Variants in LNP1 observed in about 807,000 individuals in gnomAD.
LNP1 encodes leukemia NUP98 fusion partner 1.
In LNP1, 12 loss-of-function variants were observed where a neutral mutation model predicts 14.5. The observed-to-expected ratio is 0.83, with a 90% CI of 0.53 to 1.34. The LOEUF is 1.34. LNP1 is among the 40% of genes most tolerant of loss of function. LNP1 has a pLI of 0.00. For missense variants in LNP1, 198 were observed against 210.9 expected (o/e 0.94, Z 0.38); for synonymous variants, 75 against 71.4 (o/e 1.05, Z -0.26).
intron 2 of LNP1, among the ~76,000 whole-genome samples, chr3:100,432,955 T>G (rs1707256187): frequency 6.6e-6 from 1 of 152,180 alleles, no homozygotes; most frequent in Admixed American, 6.6e-5. Flanking sequence ...CCACAGTGCT[T>G]CTTCTATGCT....
chr3:100,416,104 G>T (rs550666161), intron 1 of LNP1, among the ~76,000 whole-genome samples: 2 of 152,306 alleles, frequency 1.3e-5, no homozygotes, highest in South Asian at 4.1e-4. Context: ...ATGTCTGATT[G>T]TCTCTCTGTA....
chr3:100,446,528 A>G (rs1168253899), intron 2 of LNP1, among the ~76,000 whole-genome samples: 2 of 152,250 alleles, frequency 1.3e-5, no homozygotes, highest in Non-Finnish European at 2.9e-5. Context: ...ACCATTCAGG[A>G]CATAGTTATG....
chr3:100,448,479 T>G (rs1206100914), intron 2 of LNP1, among the ~76,000 whole-genome samples: 1 of 152,178 alleles, frequency 6.6e-6, no homozygotes, highest in Non-Finnish European at 1.5e-5. Flanking sequence ...TTTGGCTGGG[T>G]TTATAGTTCT....
Position 100,429,869 on chromosome 3 carries a change from C to A in LNP1, c.140C>A (p.Thr47Asn). Reference sequence around the variant, plus strand: ...CTGCAAGCCACCAGTCACAGGAAAACCTCCCTGCCCTGCCCAGTGAGTGAT... The same window carrying A: ...CTGCAAGCCACCAGTCACAGGAAAAACTCCCTGCCCTGCCCAGTGAGTGAT... ...HRLQATSHRK[T>N]SLPCPLPVLP... is the part of the protein sequence containing the mutation. The change falls in exon 2 of 4, where the codon ACC (threonine) becomes AAC (asparagine). Residue 47 changes from threonine to asparagine, a missense_variant. Thr to Asn is a moderately conservative substitution (Grantham distance 65). Transcript: ENST00000383693. 1 of 1,613,720 alleles carries A rather than the reference C, an allele frequency of 6.2e-7. No homozygotes were observed. The highest frequency in any genetic ancestry group is 2.2e-5 in the East Asian group (1 of 44,870).
intron 2 of LNP1, among the ~76,000 whole-genome samples, chr3:100,445,521 G>C (rs992821887): frequency 6.6e-6 from 1 of 152,154 alleles, no homozygotes; most frequent in African/African-American, 2.4e-5. Context: ...AGGAGTCAAA[G>C]CCTGTAACTC....
At chr3:100,449,162 G>C (rs1283379770) in intron 2 of LNP1, among the ~76,000 whole-genome samples, 2 of 152,068 alleles carry the variant, frequency 1.3e-5, no homozygotes, top group Non-Finnish European at 2.9e-5. Context: ...TGAGCTTTGG[G>C]CAGAGCCCAC....
At chr3:100,437,606 CT>C (rs1390790638) in intron 2 of LNP1, among the ~76,000 whole-genome samples, 3 of 152,120 alleles carry the variant, frequency 2.0e-5, no homozygotes, top group Non-Finnish European at 4.4e-5. Flanking sequence ...AATGTTTTCC[CT>C]GATAGTGTTT....
In LNP1 at chr3:100,429,885, A is replaced by C. The variant is rs760521447; in HGVS notation, c.156A>C (p.Pro52=). The change falls in exon 2 of 4, where the codon CCA becomes CCC. Residue 52 remains proline (P), a splice_region_variant and synonymous_variant. Transcript: ENST00000383693. Reference sequence around the variant, plus strand: ...ACAGGAAAACCTCCCTGCCCTGCCCAGTGAGTGATTGTCATGGAACCGGAG... The same window carrying C: ...ACAGGAAAACCTCCCTGCCCTGCCCCGTGAGTGATTGTCATGGAACCGGAG... The part of the protein sequence containing the change: ...TSHRKTSLPC[P]LPVLPRIPSS... The C allele has an allele frequency of 6.2e-7, 1 of 1,612,440 alleles. No homozygotes were observed. The highest frequency in any genetic ancestry group is 8.5e-7 in the Non-Finnish European group (1 of 1,179,340).
intron 2 of LNP1, among the ~76,000 whole-genome samples, chr3:100,430,822 C>T (rs180946632): frequency 1.6e-3 from 248 of 152,312 alleles, no homozygotes; most frequent in African/African-American, 5.7e-3. Flanking sequence ...TGGTGATCAG[C>T]AAGTTTGAGG....
chr3:100,414,792 G>A lies in LNP1; in HGVS notation c.-34+12353G>A, dbSNP rs79533260. The stretch of plus-strand genomic sequence containing the variant: ...AAGAAACTGAATTCTTCCAATGATG[G>A]GTGGACTTGGAAGACACATGAGCCT... On this transcript the variant is annotated intron_variant, in intron 1 of 3. Transcript: ENST00000383693. Among the ~76,000 whole-genome samples, 1,925 of 152,216 alleles carry A rather than the reference G, an allele frequency of 0.013. 239 individuals carry two copies. In the East Asian group the frequency reaches 0.31, roughly 24 times the overall value.
At chr3:100,452,912 C>A (rs1034883040) in intron 3 of LNP1, among the ~76,000 whole-genome samples, 6 of 121,392 alleles carry the variant, frequency 4.9e-5, no homozygotes, top group African/African-American at 1.9e-4. Context: ...TGGCCTTGAG[C>A]AAAATGCTTC....
At chr3:100,413,274 TC>T (rs905425553) in intron 1 of LNP1, among the ~76,000 whole-genome samples, 4 of 152,218 alleles carry the variant, frequency 2.6e-5, no homozygotes, top group East Asian at 1.9e-4. Context: ...GGTTATTTTT[TC>T]CCCCCAATCC....
chr3:100,450,039 T>C (rs1003674297), intron 2 of LNP1, among the ~76,000 whole-genome samples: 1 of 151,738 alleles, frequency 6.6e-6, no homozygotes, highest in African/African-American at 2.4e-5. Flanking sequence ...AAAAAAACTT[T>C]CCTTTTTTTA....
chr3:100,435,039 G>A (rs1272887859), intron 2 of LNP1, among the ~76,000 whole-genome samples: 1 of 152,152 alleles, frequency 6.6e-6, no homozygotes, highest in Non-Finnish European at 1.5e-5. Context: ...ACCTGGGAGA[G>A]AACACATACT....
At chr3:100,430,059 G>A (rs575795410) in intron 2 of LNP1, among the ~76,000 whole-genome samples, 174 bp downstream of exon 2, 1 of 152,192 alleles carries the variant, frequency 6.6e-6, no homozygotes, top group East Asian at 1.9e-4. Context: ...TGTCTTTCAA[G>A]GGACCTTATT....
chr3:100,405,543 T>A (rs1185837713), intron 1 of LNP1, among the ~76,000 whole-genome samples: 2 of 152,186 alleles, frequency 1.3e-5, no homozygotes, highest in Non-Finnish European at 2.9e-5. Context: ...TATTCTGGGT[T>A]GAGGACTGCA....
At position 100,416,467 on chromosome 3, in the gene LNP1, T is replaced by C. The variant is rs144167803; in HGVS notation, c.-33-13230T>C. 5.3e-3 allele frequency among the ~76,000 whole-genome samples: 810 copies of C among 152,288 alleles called. 7 individuals are homozygous for C. The highest frequency in any genetic ancestry group is 0.042 in the South Asian group (202 of 4,828). ...TTTAATCTTTTGTTGCTGCTGCTGC[T>C]GTTGTTGTTTAATGAGAATTGGCAT... On this transcript the variant is annotated intron_variant, in intron 1 of 3. Coordinates refer to ENST00000383693, the MANE Select transcript of LNP1 (RefSeq NM_001085451.2).
intron 1 of LNP1, among the ~76,000 whole-genome samples, chr3:100,417,722 C>T: frequency 6.6e-6 from 1 of 151,934 alleles, no homozygotes. Flanking sequence ...TTTTTCTTTT[C>T]AGGAAAGCGT....
At chr3:100,407,977 T>C (rs1706987398) in intron 1 of LNP1, among the ~76,000 whole-genome samples, 1 of 152,270 alleles carries the variant, frequency 6.6e-6, no homozygotes, top group Non-Finnish European at 1.5e-5. Context: ...TCTGACCATT[T>C]ATTATTTTCC....
Sources: allele counts gnomAD v4.1 joint callset (sites outside exome capture counted in the v4.1 genomes callset), GRCh38; gene constraint gnomAD v4.1.1; transcripts MANE v1.5; gene names NCBI Gene and HGNC (gene_info 2026-07-23, HGNC 2026-07-21).